Variants in SETD5 observed in about 807,000 individuals in gnomAD.
The protein encoded by SETD5 is SET domain containing 5.
SETD5 carries 44 observed loss-of-function variants against 153.3 expected under a neutral mutation model. The ratio of observed to expected loss-of-function variants is 0.29; its 90% CI spans 0.23 to 0.37. SETD5 has a LOEUF of 0.37. Ranked by LOEUF, SETD5 falls within the 10% of genes least tolerant of loss-of-function variation. SETD5 has a pLI of 1.00. For missense variants in SETD5, 1,544 were observed against 1,768.0 expected (o/e 0.87, Z 2.27); for synonymous variants, 716 against 645.2 (o/e 1.11, Z -1.66).
chr3:9,436,769 T>C, intron 7 of SETD5: 1 of 1,244,224 alleles, frequency 8.0e-7, no homozygotes, highest in Non-Finnish European at 1.1e-6. Context: ...GTTTGTGCCT[T>C]AGTTTTAGTC....
chr3:9,475,286 C>A, intron 22 of SETD5, 130 bp downstream of exon 22: 1 of 1,132,234 alleles, frequency 8.8e-7, no homozygotes, highest in Non-Finnish European at 1.2e-6. Context: ...AAGTCATCAT[C>A]TGCTTGTCCT....
In SETD5 at chr3:9,467,869, G is replaced by C. The variant is rs147151853; in HGVS notation, c.2725-2590G>C. Among the ~76,000 whole-genome samples the C allele has an allele frequency of 3.1e-4, 47 of 151,998 alleles. No homozygotes were observed. In the East Asian group the frequency reaches 7.4e-3, roughly 24 times the overall value. ...CTGCTCTGTTGCCAAAAGTACAATG[G>C]ATTTTACAAAATAACATTAATAGGG... On this transcript the variant is annotated intron_variant, in intron 18 of 22. Coordinates refer to ENST00000402198, the MANE Select transcript of SETD5 (RefSeq NM_001080517.3).
chr3:9,454,956 A>G (rs527342530), intron 17 of SETD5, among the ~76,000 whole-genome samples: 22 of 152,204 alleles, frequency 1.4e-4, no homozygotes, highest in African/African-American at 4.6e-4. Context: ...AACAAACAGA[A>G]TATTTCACAT....
intron 3 of SETD5, chr3:9,431,093 T>C: frequency 1.0e-6 from 1 of 985,472 alleles, no homozygotes; most frequent in Non-Finnish European, 1.2e-6. Context: ...TGCAGCATAC[T>C]CAACTAGATG....
Position 9,474,591 on chromosome 3 carries a change from A to G in SETD5, c.3631+9A>G, listed in dbSNP as rs747271091. ...CACAGAGAAAGACTCAGGTGAGCCCATGGCCTTCTGCTGCCACCACATTCA... is the reference window on the plus strand; with the variant it reads ...CACAGAGAAAGACTCAGGTGAGCCCGTGGCCTTCTGCTGCCACCACATTCA... On this transcript the variant is annotated intron_variant, in intron 21 of 22. Coordinates refer to ENST00000402198, the MANE Select transcript of SETD5 (RefSeq NM_001080517.3). 6.2e-7 allele frequency: 1 copy of G among 1,613,188 alleles called. No homozygotes were observed. Among genetic ancestry groups the G allele is most frequent in the Non-Finnish European group, 8.5e-7 (1 of 1,179,724 alleles).
chr3:9,426,467 G>A (rs559687496), intron 2 of SETD5, among the ~76,000 whole-genome samples: 1 of 151,352 alleles, frequency 6.6e-6, no homozygotes, highest in African/African-American at 2.4e-5. Flanking sequence ...CGTGATCTCG[G>A]CTCACTGCAA....
chr3:9,418,875 A>G (rs1027865705), intron 1 of SETD5, among the ~76,000 whole-genome samples: 9 of 151,648 alleles, frequency 5.9e-5, no homozygotes, highest in Non-Finnish European at 1.2e-4. Context: ...TAGGGTTTCT[A>G]GAGCGCAGTG....
intron 17 of SETD5, among the ~76,000 whole-genome samples, chr3:9,455,301 T>A (rs2043111115): frequency 6.6e-6 from 1 of 151,456 alleles, no homozygotes; most frequent in South Asian, 2.1e-4. Flanking sequence ...AGACGGGGTT[T>A]CACCATGTTG....
chr3:9,445,420 A>T (rs570141021), intron 12 of SETD5, 120 bp downstream of exon 12: 5 of 1,110,170 alleles, frequency 4.5e-6, no homozygotes, highest in Non-Finnish European at 6.6e-6. Context: ...CTTTATATCA[A>T]TGTGGGTTTA....
intron 17 of SETD5, among the ~76,000 whole-genome samples, chr3:9,456,170 A>G (rs2043213267): frequency 6.6e-6 from 1 of 151,636 alleles, no homozygotes; most frequent in African/African-American, 2.4e-5. Context: ...TACTAACTAT[A>G]TGATGTTACT....
intron 17 of SETD5, among the ~76,000 whole-genome samples, chr3:9,460,872 A>G (rs2043874801): frequency 6.6e-6 from 1 of 152,196 alleles, no homozygotes; most frequent in Admixed American, 6.5e-5. Context: ...TAAAAATTAA[A>G]CATGGAGACA....
chr3:9,433,763 G>T, intron 3 of SETD5, 82 bp from the exon 4 acceptor site: 2 of 1,361,576 alleles, frequency 1.5e-6, no homozygotes, highest in Non-Finnish European at 2.1e-6. Context: ...GAAAGAGGAG[G>T]GGTTAGAATG....
At chr3:9,462,936 T>G (rs2044151359) in intron 17 of SETD5, among the ~76,000 whole-genome samples, 1 of 145,226 alleles carries the variant, frequency 6.9e-6, no homozygotes, top group Non-Finnish European at 1.5e-5. Context: ...AAATACAGCT[T>G]TTTTTTTTTT....
intron 19 of SETD5, among the ~76,000 whole-genome samples, chr3:9,472,173 T>C (rs77179908): frequency 0.014 from 2,097 of 151,922 alleles, 53 homozygotes; most frequent in African/African-American, 0.047. Flanking sequence ...ATAGAAATTA[T>C]GATATTTTAT....
At chr3:9,469,707 T>G (rs144957957) in intron 18 of SETD5, among the ~76,000 whole-genome samples, 25 of 152,336 alleles carry the variant, frequency 1.6e-4, no homozygotes, top group Non-Finnish European at 3.2e-4. Context: ...GACCTAGTGT[T>G]GGAAGTTTGG....
At chr3:9,410,850 TAAG>T (rs987296406) in intron 1 of SETD5, among the ~76,000 whole-genome samples, 30 of 152,108 alleles carry the variant, frequency 2.0e-4, no homozygotes, top group African/African-American at 7.0e-4. Flanking sequence ...CAGTTTGAGA[TAAG>T]AAACTTTCTC....
intron 18 of SETD5, among the ~76,000 whole-genome samples, chr3:9,469,900 G>A (rs541254748): frequency 1.3e-5 from 2 of 152,284 alleles, no homozygotes; most frequent in South Asian, 4.1e-4. Flanking sequence ...AGTGAGTGAA[G>A]AACTGGTTGG....
intron 17 of SETD5, among the ~76,000 whole-genome samples, chr3:9,456,578 A>G (rs964153267): frequency 4.8e-4 from 73 of 152,316 alleles, no homozygotes; most frequent in African/African-American, 1.7e-3. Flanking sequence ...TAATGTATAT[A>G]AAGTTCTCAA....
chr3:9,438,842 A>T (rs2040919023), intron 7 of SETD5, among the ~76,000 whole-genome samples: 1 of 152,172 alleles, frequency 6.6e-6, no homozygotes, highest in Non-Finnish European at 1.5e-5. Context: ...TGCCGGTAAC[A>T]CTCATACACT....
Sources: gnomAD v4.1 joint callset for allele counts (sites outside exome capture counted in the v4.1 genomes callset) on GRCh38, gnomAD v4.1.1 for gene constraint, MANE v1.5 for transcripts, NCBI Gene and HGNC (gene_info 2026-07-23, HGNC 2026-07-21) for gene names.